CTNNA3: variants seen among roughly 807,000 people sequenced by gnomAD.
CTNNA3 encodes the protein catenin alpha-3.
A neutral mutation model predicts 95.7 loss-of-function variants in CTNNA3; 76 were observed. The ratio of observed to expected loss-of-function variants is 0.79; its 90% confidence interval spans 0.66 to 0.96. The LOEUF is 0.96. Among genes scored for constraint, CTNNA3 ranks in the 40% least tolerant of loss-of-function variants. CTNNA3 has a pLI of 0.00. For missense variants in CTNNA3, 1,191 were observed against 1,089.8 expected, an observed-to-expected ratio of 1.09 and a Z score of -1.31; for synonymous variants, 431 against 374.4, an observed-to-expected ratio of 1.15 and a Z score of -1.74.
intron 11 of CTNNA3, among the ~76,000 whole-genome samples, chr10:66,463,092 G>A (rs1589285535): frequency 1.3e-5 from 2 of 151,928 alleles, no homozygotes; most frequent in East Asian, 1.9e-4. Context: ...TGATATAGTC[G>A]AAATGATATT....
chr10:66,166,018 G>A (rs577414737), intron 13 of CTNNA3, among the ~76,000 whole-genome samples: 291 of 151,846 alleles, frequency 1.9e-3, no homozygotes, highest in South Asian at 7.7e-3. Flanking sequence ...CATCCTCTTC[G>A]GCCTCCCAAA....
chr10:66,290,032 A>T (rs1322447107), intron 12 of CTNNA3, among the ~76,000 whole-genome samples: 1 of 152,044 alleles, frequency 6.6e-6, no homozygotes, highest in Non-Finnish European at 1.5e-5. Flanking sequence ...GAAAAGAATA[A>T]ATGGAAGAAT....
At chr10:66,525,843 A>G (rs939337386) in intron 10 of CTNNA3, among the ~76,000 whole-genome samples, 6 of 152,268 alleles carry the variant, frequency 3.9e-5, no homozygotes, top group Middle Eastern at 3.4e-3. Flanking sequence ...AAGCTCTATT[A>G]TACTTTCTAC....
At chr10:66,473,881 T>C (rs1286662578) in intron 11 of CTNNA3, among the ~76,000 whole-genome samples, 1 of 152,148 alleles carries the variant, frequency 6.6e-6, no homozygotes, top group Non-Finnish European at 1.5e-5. Flanking sequence ...TTCCATGGTG[T>C]ATATGTGCCA....
At chr10:65,994,339 T>C (rs1379560407) in intron 15 of CTNNA3, among the ~76,000 whole-genome samples, 1 of 152,176 alleles carries the variant, frequency 6.6e-6, no homozygotes, top group Non-Finnish European at 1.5e-5. Context: ...GTAATAAATT[T>C]CCTCAGTTTT....
chr10:67,325,029 G>C (rs372827153), intron 5 of CTNNA3, among the ~76,000 whole-genome samples: 8 of 152,208 alleles, frequency 5.3e-5, no homozygotes, highest in African/African-American at 1.9e-4. Context: ...TGTGCTTAGA[G>C]GTCTTCATAA....
At chr10:67,267,030 A>G (rs750847854) in intron 5 of CTNNA3, among the ~76,000 whole-genome samples, 1 of 152,190 alleles carries the variant, frequency 6.6e-6, no homozygotes, top group Non-Finnish European at 1.5e-5. Flanking sequence ...TTTTTACTTC[A>G]GATAATCTGG....
At chr10:66,866,108 T>A (rs1328457783) in intron 7 of CTNNA3, among the ~76,000 whole-genome samples, 1 of 152,138 alleles carries the variant, frequency 6.6e-6, no homozygotes, top group Non-Finnish European at 1.5e-5. Flanking sequence ...GAAAATGATG[T>A]CCTGGGAATT....
intron 1 of CTNNA3, among the ~76,000 whole-genome samples, chr10:67,721,510 G>A (rs895636531): frequency 4.6e-5 from 7 of 152,026 alleles, no homozygotes; most frequent in African/African-American, 1.4e-4. Flanking sequence ...GCTCCATCAG[G>A]TCATTTATGT....
At chr10:67,356,162 C>T (rs1014931171) in intron 5 of CTNNA3, among the ~76,000 whole-genome samples, 4 of 151,886 alleles carry the variant, frequency 2.6e-5, no homozygotes, top group Admixed American at 2.0e-4. Flanking sequence ...ACATAAAGTC[C>T]CTCATGTTCT....
intron 7 of CTNNA3, among the ~76,000 whole-genome samples, chr10:66,934,224 G>A (rs972797334): frequency 2.6e-5 from 4 of 151,926 alleles, no homozygotes; most frequent in African/African-American, 7.3e-5. Context: ...TCCAGCAAAT[G>A]TTGTAATGAT....
At chr10:66,043,328 C>T (rs894186282) in intron 15 of CTNNA3, among the ~76,000 whole-genome samples, 1 of 152,096 alleles carries the variant, frequency 6.6e-6, no homozygotes, top group African/African-American at 2.4e-5. Flanking sequence ...AATGGATGCA[C>T]ATTGAACCCC....
intron 9 of CTNNA3, among the ~76,000 whole-genome samples, chr10:66,661,192 T>C (rs1359375183): frequency 1.3e-5 from 2 of 152,148 alleles, no homozygotes; most frequent in East Asian, 3.8e-4. Flanking sequence ...ATTAGTCCAT[T>C]TTCATACTGC....
chr10:66,084,154 A>G lies in CTNNA3; in HGVS notation c.1978-14665T>C, dbSNP rs796704568. 2.5e-3 allele frequency among the ~76,000 whole-genome samples: 352 copies of G among 141,384 alleles called. 6 individuals carry two copies. Among genetic ancestry groups the G allele is most frequent in the African/African-American group, 8.2e-3 (323 of 39,610 alleles). 92.8% of individuals were successfully genotyped at this position (141,384 alleles called of 152,430 possible). A position where few individuals can be genotyped will look rare whatever the true frequency, so the allele number is the denominator to read the frequency against. On this transcript the variant is annotated intron_variant, in intron 14 of 17. Coordinates refer to ENST00000433211, the MANE Select transcript of CTNNA3 (RefSeq NM_013266.4). Reference sequence around the variant, plus strand: ...TCATCTCAAAAAAAAAAAAGAAAAAAAAAGAAAAAGAAAAAAAGAAAAGGA... The same window carrying G: ...TCATCTCAAAAAAAAAAAAGAAAAAGAAAGAAAAAGAAAAAAAGAAAAGGA...
intron 9 of CTNNA3, among the ~76,000 whole-genome samples, chr10:66,659,357 T>C (rs1049805079): frequency 6.6e-6 from 1 of 152,090 alleles, no homozygotes. Context: ...GAGACCTGTA[T>C]AAGTGAGGAA....
At chr10:66,791,923 A>G (rs570196685) in intron 7 of CTNNA3, among the ~76,000 whole-genome samples, 1 of 152,032 alleles carries the variant, frequency 6.6e-6, no homozygotes, top group African/African-American at 2.4e-5. Flanking sequence ...TAACTTGTAC[A>G]ACTGCAAAGT....
intron 12 of CTNNA3, among the ~76,000 whole-genome samples, chr10:66,294,904 G>GAGAGAGAGAA (rs1210740330): frequency 6.7e-6 from 1 of 148,710 alleles, no homozygotes; most frequent in African/African-American, 2.4e-5. Flanking sequence ...GAGAGAGAGA[G>GAGAGAGAGAA]AGAGAGAGAG....
intron 1 of CTNNA3, among the ~76,000 whole-genome samples, chr10:67,702,956 C>G (rs1342292135): frequency 6.6e-6 from 1 of 151,984 alleles, no homozygotes; most frequent in Non-Finnish European, 1.5e-5. Flanking sequence ...CACCACCGAC[C>G]CCACAGAAAT....
intron 9 of CTNNA3, among the ~76,000 whole-genome samples, chr10:66,691,054 A>G (rs910863066): frequency 2.6e-5 from 4 of 152,174 alleles, no homozygotes; most frequent in Admixed American, 6.5e-5. Flanking sequence ...TGATTTCTGC[A>G]TTTCCATCTG....
Sources: allele counts gnomAD v4.1 joint callset (sites outside exome capture counted in the v4.1 genomes callset), GRCh38; gene constraint gnomAD v4.1.1; transcripts MANE v1.5; gene names NCBI Gene and HGNC (gene_info 2026-07-23, HGNC 2026-07-21).